ZNF618: variants seen among roughly 807,000 people sequenced by gnomAD.
ZNF618 encodes the protein neural precursor cell expressed, developmentally down-regulated 10.
A neutral mutation model predicts 103.0 loss-of-function variants in ZNF618; 34 were observed. That is an observed-to-expected ratio of 0.33 (90% CI 0.25 to 0.44). ZNF618 has a LOEUF of 0.44. Among genes scored for constraint, ZNF618 ranks in the 20% least tolerant of loss-of-function variants. The pLI, the probability that ZNF618 is intolerant of heterozygous loss-of-function variation, is 1.00. For synonymous variants in ZNF618, 551 were observed against 542.2 expected, an observed-to-expected ratio of 1.02 and a Z score of -0.23; for missense variants, 1,059 against 1,295.4, an observed-to-expected ratio of 0.82 and a Z score of 2.80.
chr9:114,002,105 G>A (rs1186604680), intron 5 of ZNF618, 32 bp downstream of exon 5: 3 of 1,594,480 alleles, frequency 1.9e-6, no homozygotes, highest in African/African-American at 2.7e-5. Context: ...CAGAGCCCAG[G>A]GGCCGCACCT....
chr9:113,935,635 G>T lies in ZNF618; in HGVS notation c.34-33482G>T, dbSNP rs555761426. On this transcript the variant is annotated intron_variant, in intron 1 of 14. Coordinates refer to ENST00000374126, the MANE Select transcript of ZNF618 (RefSeq NM_001318042.2). ...AATAAACAGTCCTCTTGGGGACTCT[G>T]TGAAGCCTCCTTACCTCTACTCTTC... Among the ~76,000 whole-genome samples, 123 of 152,262 alleles carry T rather than the reference G, an allele frequency of 8.1e-4. 1 individual carries two copies. The highest frequency in any genetic ancestry group is 2.6e-4 in the Non-Finnish European group (18 of 68,022).
chr9:114,022,933 G>T (rs1226989125), intron 10 of ZNF618, among the ~76,000 whole-genome samples: 1 of 151,958 alleles, frequency 6.6e-6, no homozygotes, highest in African/African-American at 2.4e-5. Context: ...AATTTCCTTT[G>T]TCTGTTACTG....
At chr9:113,905,093 A>G (rs1830871912) in intron 1 of ZNF618, among the ~76,000 whole-genome samples, 1 of 151,786 alleles carries the variant, frequency 6.6e-6, no homozygotes, top group South Asian at 2.1e-4. Flanking sequence ...TTTTTCCAAG[A>G]CTGCCTCGCT....
chr9:114,027,063 TG>T (rs1189034030), intron 10 of ZNF618, among the ~76,000 whole-genome samples: 1 of 152,064 alleles, frequency 6.6e-6, no homozygotes, highest in Non-Finnish European at 1.5e-5. Flanking sequence ...AAATGGACTC[TG>T]GGTGCCTATT....
chr9:113,880,211 A>T (rs950394995), intron 1 of ZNF618, among the ~76,000 whole-genome samples: 6 of 151,730 alleles, frequency 4.0e-5, no homozygotes, highest in Non-Finnish European at 7.4e-5. Flanking sequence ...GAAATTTTGA[A>T]TTTTTTCCAT....
intron 12 of ZNF618, among the ~76,000 whole-genome samples, chr9:114,034,695 C>T (rs969667692): frequency 2.6e-5 from 4 of 152,196 alleles, no homozygotes; most frequent in Non-Finnish European, 2.9e-5. Context: ...CTGCCTGCTG[C>T]GTTTGAGGCT....
At chr9:113,899,566 C>T in intron 1 of ZNF618, among the ~76,000 whole-genome samples, 1 of 152,194 alleles carries the variant, frequency 6.6e-6, no homozygotes. Flanking sequence ...GAATCTAATG[C>T]CTGGTGATCT....
At chr9:113,918,587 G>T (rs746031222) in intron 1 of ZNF618, among the ~76,000 whole-genome samples, 4 of 151,950 alleles carry the variant, frequency 2.6e-5, no homozygotes, top group Non-Finnish European at 2.9e-5. Flanking sequence ...TTATTTACCT[G>T]CTTATTTAGA....
intron 1 of ZNF618, among the ~76,000 whole-genome samples, chr9:113,901,693 C>T (rs149251889): frequency 1.3e-5 from 2 of 152,278 alleles, no homozygotes; most frequent in African/African-American, 4.8e-5. Flanking sequence ...AACGCCACTG[C>T]TTCGTGGCTG....
At position 114,033,135 on chromosome 9, in the gene ZNF618, C is replaced by T. The variant is rs544843300; in HGVS notation, c.1168+407C>T. ...GTTGAGAGAGCTCTAAGAGGCCGGG[C>T]GCCGTGGCTCACACCTGTAATCCCA... On this transcript the variant is annotated intron_variant, in intron 12 of 14. Coordinates refer to ENST00000374126, the MANE Select transcript of ZNF618 (RefSeq NM_001318042.2). 3.6e-4 allele frequency among the ~76,000 whole-genome samples: 55 copies of T among 152,266 alleles called. 1 individual carries two copies. The South Asian group carries it at 8.5e-3, about 24-fold the overall frequency.
intron 10 of ZNF618, among the ~76,000 whole-genome samples, chr9:114,018,233 G>C (rs980684516): frequency 1.3e-5 from 2 of 152,216 alleles, no homozygotes; most frequent in African/African-American, 4.8e-5. Context: ...GGATTCCACT[G>C]GGTAGGCACC....
chr9:113,967,171 A>G (rs1480262126), intron 1 of ZNF618, among the ~76,000 whole-genome samples: 1 of 152,214 alleles, frequency 6.6e-6, no homozygotes, highest in Non-Finnish European at 1.5e-5. Flanking sequence ...TCCATTTGGG[A>G]GTTAACCATT....
chr9:114,023,032 G>A (rs1843204450), intron 10 of ZNF618, among the ~76,000 whole-genome samples: 1 of 151,918 alleles, frequency 6.6e-6, no homozygotes, highest in African/African-American at 2.4e-5. Context: ...CTTTGTATTT[G>A]AAGTATGTAT....
intron 1 of ZNF618, among the ~76,000 whole-genome samples, chr9:113,898,000 G>T (rs1273576218): frequency 6.6e-6 from 1 of 151,972 alleles, no homozygotes. Context: ...TCCATGTTGG[G>T]CAGGCTGGTC....
At chr9:113,890,588 G>C (rs1829528740) in intron 1 of ZNF618, among the ~76,000 whole-genome samples, 1 of 152,182 alleles carries the variant, frequency 6.6e-6, no homozygotes, top group Non-Finnish European at 1.5e-5. Flanking sequence ...TTTTCGTACA[G>C]CTTCTCACTT....
chr9:114,032,550 C>T (rs932753011), intron 11 of ZNF618, 95 bp from the exon 12 acceptor site: 12 of 1,131,064 alleles, frequency 1.1e-5, no homozygotes, highest in African/African-American at 1.5e-5. Flanking sequence ...GTTGGCCCAG[C>T]AGAGTCCTTG....
intron 13 of ZNF618, among the ~76,000 whole-genome samples, chr9:114,046,088 A>G (rs1236030286): frequency 1.3e-5 from 2 of 152,098 alleles, no homozygotes; most frequent in African/African-American, 4.8e-5. Context: ...ACCCTCGCTG[A>G]ATTTATTACT....
chr9:114,028,538 C>A, intron 10 of ZNF618, 195 bp from the exon 11 acceptor site: 2 of 824,724 alleles, frequency 2.4e-6, no homozygotes, highest in Admixed American at 3.0e-5. Flanking sequence ...GATAACTAAG[C>A]GTGAGCTGAC....
At chr9:113,990,551 T>G (rs1357648644) in intron 3 of ZNF618, among the ~76,000 whole-genome samples, 27 of 152,230 alleles carry the variant, frequency 1.8e-4, no homozygotes, top group Non-Finnish European at 7.3e-5. Context: ...ACGTCCATTG[T>G]GGGTCAAGAG....
Sources: gnomAD v4.1 joint callset for allele counts (sites outside exome capture counted in the v4.1 genomes callset) on GRCh38, gnomAD v4.1.1 for gene constraint, MANE v1.5 for transcripts, NCBI Gene and HGNC (gene_info 2026-07-23, HGNC 2026-07-21) for gene names.